The following GKAP1 variants were observed in gnomAD, a reference collection of about 807,000 sequenced individuals.
The protein encoded by GKAP1 is G kinase anchoring protein 1.
GKAP1 carries 31 observed loss-of-function variants against 56.7 expected under a neutral mutation model. The ratio of observed to expected loss-of-function variants is 0.55; its 90% CI spans 0.41 to 0.74. The LOEUF is 0.74. Ranked by LOEUF, GKAP1 falls within the 30% of genes least tolerant of loss-of-function variation. GKAP1 has a pLI of 0.00. For missense variants in GKAP1, 364 were observed against 402.3 expected, an observed-to-expected ratio of 0.90 and a Z score of 0.82; for synonymous variants, 151 against 138.6, an observed-to-expected ratio of 1.09 and a Z score of -0.63.
chr9:83,784,169 A>C (rs1944024595), intron 6 of GKAP1, among the ~76,000 whole-genome samples: 1 of 151,828 alleles, frequency 6.6e-6, no homozygotes, highest in Non-Finnish European at 1.5e-5. Flanking sequence ...CGGGAGACTG[A>C]GGCATAAGAA....
At position 83,754,579 on chromosome 9, in the gene GKAP1, T is replaced by G. The variant is rs1943443670; in HGVS notation, c.739-1220A>C. Among the ~76,000 whole-genome samples the G allele has an allele frequency of 2.0e-5, 3 of 152,160 alleles. No homozygotes were observed. The South Asian group carries it at 6.2e-4, about 32-fold the overall frequency. On this transcript the variant is annotated intron_variant, in intron 8 of 12. Transcript: ENST00000376371. ...TAAGTAAAAAGGGGAAGTGAGAGCT[T>G]TCCAGGTAGAAAGAACAGTATGTTT...
intron 3 of GKAP1, among the ~76,000 whole-genome samples, chr9:83,805,272 G>A (rs1286067480): frequency 1.3e-5 from 2 of 152,032 alleles, no homozygotes; most frequent in African/African-American, 2.4e-5. Context: ...AAGGCAGCAT[G>A]CTCGTTAAGA....
At chr9:83,757,267 G>A (rs534776097) in intron 8 of GKAP1, among the ~76,000 whole-genome samples, 2 of 152,134 alleles carry the variant, frequency 1.3e-5, no homozygotes, top group African/African-American at 4.8e-5. Context: ...TGACAGGAGT[G>A]GTCTGCTCCA....
chr9:83,759,682 T>G (rs2131253638), intron 8 of GKAP1, among the ~76,000 whole-genome samples: 1 of 152,314 alleles, frequency 6.6e-6, no homozygotes, highest in Non-Finnish European at 1.5e-5. Context: ...ATGCCCATTA[T>G]CTTCAACTTT....
chr9:83,811,195 C>T (rs1229062286), intron 2 of GKAP1, among the ~76,000 whole-genome samples: 2 of 152,192 alleles, frequency 1.3e-5, no homozygotes, highest in African/African-American at 4.8e-5. Context: ...AAAAATTTGA[C>T]TAAGCATGCC....
intron 3 of GKAP1, among the ~76,000 whole-genome samples, chr9:83,803,634 C>T (rs976158659): frequency 6.6e-6 from 1 of 152,208 alleles, no homozygotes; most frequent in Non-Finnish European, 1.5e-5. Context: ...CTGCCTTGGC[C>T]TCCCAAAGTG....
intron 6 of GKAP1, among the ~76,000 whole-genome samples, chr9:83,780,874 T>C (rs1225971665): frequency 6.6e-6 from 1 of 152,182 alleles, no homozygotes; most frequent in Non-Finnish European, 1.5e-5. Context: ...AGCTATTTTA[T>C]TTTAAAAGCA....
rs1180892469 is a variant in GKAP1 at position 83,775,898 on chromosome 9, AAG to A, written c.585+4482_585+4483del. 1.7e-4 allele frequency among the ~76,000 whole-genome samples: 25 copies of A among 149,518 alleles called. No individual in the cohort carries two copies. In the East Asian group the frequency reaches 4.1e-3, roughly 25 times the overall value. ...TCAAAAAAAAAAAAAAAAAAAAAAA[AAG>A]AGAGAGAAAAGAAAAGAAAAAGAAA... On this transcript the variant is annotated intron_variant, in intron 7 of 12. Transcript: ENST00000376371.
rs78277449 is a variant in GKAP1 at position 83,755,859 on chromosome 9, C to T, written c.739-2500G>A. Among the ~76,000 whole-genome samples, 416 of 141,710 alleles carry T rather than the reference C, an allele frequency of 2.9e-3. 1 individual carries two copies. The highest frequency in any genetic ancestry group is 0.011 in the African/African-American group (401 of 37,806). 93.0% of individuals were successfully genotyped at this position (141,710 alleles called of 152,430 possible). ...CGATCTTATCTCCCAGGCTAGAGTA[C>T]GGTGGTGTGATCTCAGCTCACTGCA... is the stretch of plus-strand genomic sequence containing the variant. On this transcript the variant is annotated intron_variant, in intron 8 of 12. Transcript: ENST00000376371.
chr9:83,806,162 T>A (rs534578118), intron 3 of GKAP1, 140 bp downstream of exon 3: 27 of 619,516 alleles, frequency 4.4e-5, no homozygotes, highest in Non-Finnish European at 5.6e-5. Flanking sequence ...TATACACAAA[T>A]TCACATCCAT....
chr9:83,801,659 T>C (rs1307817279), intron 3 of GKAP1, among the ~76,000 whole-genome samples: 1 of 152,228 alleles, frequency 6.6e-6, no homozygotes, highest in Non-Finnish European at 1.5e-5. Flanking sequence ...TAAAGGCTTA[T>C]AGAACTGCAA....
intron 3 of GKAP1, among the ~76,000 whole-genome samples, chr9:83,803,781 C>T (rs1183493658): frequency 6.6e-6 from 1 of 150,478 alleles, no homozygotes. Context: ...CGTCTCTGCC[C>T]GGCCGCCATC....
intron 2 of GKAP1, among the ~76,000 whole-genome samples, chr9:83,814,987 C>T (rs1171374887): frequency 2.0e-5 from 3 of 152,046 alleles, no homozygotes; most frequent in East Asian, 3.9e-4. Context: ...TCCTGGCCAA[C>T]GTAGTGAAAC....
chr9:83,803,257 TCGGTCTCCCTCTCCCTCTCTTTCCA>T (rs921287929), intron 3 of GKAP1, among the ~76,000 whole-genome samples: 52 of 121,524 alleles, frequency 4.3e-4, no homozygotes, highest in Admixed American at 6.7e-4. Context: ...CCTCTCCCTC[TCGGTCTCCCTCTCCCTCTCTTTCCA>T]CGGTCTCCCT....
intron 9 of GKAP1, chr9:83,748,688 A>G (rs570036531): frequency 3.0e-5 from 5 of 165,152 alleles, no homozygotes; most frequent in African/African-American, 1.2e-4. Flanking sequence ...ATACAATTCA[A>G]AATAATTTAA....
chr9:83,748,905 G>A (rs1439122352), intron 9 of GKAP1: 1 of 152,134 alleles, frequency 6.6e-6, no homozygotes, highest in African/African-American at 2.4e-5. Context: ...ACTTGTAGTG[G>A]ATATTGAATT....
Position 83,752,927 on chromosome 9 carries a change from C to T in GKAP1, c.840+331G>A, listed in dbSNP as rs535567698. Among the ~76,000 whole-genome samples, 384 of 151,912 alleles carry T rather than the reference C, an allele frequency of 2.5e-3. 1 individual carries two copies. Among genetic ancestry groups the T allele is most frequent in the African/African-American group, 9.0e-3 (373 of 41,432 alleles). On this transcript the variant is annotated intron_variant, in intron 9 of 12. Coordinates refer to ENST00000376371, the MANE Select transcript of GKAP1 (RefSeq NM_025211.4). ...CTCTACTAAAAATACAAAAATTAGC[C>T]GGGCGTGGTGGCTCATGCTTGTAAT...
Position 83,742,047 on chromosome 9 carries a change from A to G in GKAP1, c.976-18T>C, listed in dbSNP as rs766306068. ...GAAGTCACCTATAACCAAATATTCA[A>G]TAAGAAAAAGAATTTTTGGGGTTTT... On this transcript the variant is annotated intron_variant, in intron 11 of 12. Transcript: ENST00000376371. 5.8e-6 allele frequency: 9 copies of G among 1,541,734 alleles called. No individual in the cohort carries two copies. In the African/African-American group the frequency reaches 9.7e-5, roughly 17 times the overall value.
intron 7 of GKAP1, among the ~76,000 whole-genome samples, chr9:83,773,919 T>TTA (rs1943806508): frequency 6.6e-6 from 1 of 152,186 alleles, no homozygotes; most frequent in Non-Finnish European, 1.5e-5. Flanking sequence ...AACCATATTA[T>TTA]CATCATCATA....
Sources: allele counts gnomAD v4.1 joint callset (sites outside exome capture counted in the v4.1 genomes callset), GRCh38; gene constraint gnomAD v4.1.1; transcripts MANE v1.5; gene names NCBI Gene and HGNC (gene_info 2026-07-23, HGNC 2026-07-21).